Variants in MANBA observed in about 807,000 individuals in gnomAD.
MANBA encodes mannosidase beta.
In MANBA, 83 loss-of-function variants were observed where a neutral mutation model predicts 111.1. That is an observed-to-expected ratio of 0.75 (90% confidence interval 0.63 to 0.90). The LOEUF (loss-of-function observed/expected upper bound fraction) is 0.90. Among genes scored for constraint, MANBA ranks in the 40% least tolerant of loss-of-function variants. The pLI, the probability that MANBA is intolerant of heterozygous loss-of-function variation, is 0.00. For missense variants in MANBA, 1,036 were observed against 1,069.0 expected (o/e 0.97, Z 0.43); for synonymous variants, 370 against 378.7 (o/e 0.98, Z 0.27).
intron 1 of MANBA, among the ~76,000 whole-genome samples, chr4:102,746,830 G>T (rs991299738): frequency 2.0e-5 from 3 of 152,036 alleles, no homozygotes; most frequent in African/African-American, 4.8e-5. Context: ...AAATTAGCTG[G>T]GCGTGGTGGC....
At chr4:102,753,271 T>C (rs1213525541) in intron 1 of MANBA, among the ~76,000 whole-genome samples, 1 of 151,738 alleles carries the variant, frequency 6.6e-6, no homozygotes, top group Admixed American at 6.6e-5. Flanking sequence ...TGTGGAAAGA[T>C]AAACACTTTT....
Position 102,663,332 on chromosome 4 carries a change from T to C in MANBA, c.1485+1353A>G, listed in dbSNP as rs147997792. Among the ~76,000 whole-genome samples the C allele has an allele frequency of 2.0e-3, 297 of 152,306 alleles. 1 individual carries two copies. Among genetic ancestry groups the C allele is most frequent in the African/African-American group, 6.8e-3 (281 of 41,566 alleles). On this transcript the variant is annotated intron_variant, in intron 11 of 16. Coordinates refer to ENST00000647097, the MANE Select transcript of MANBA (RefSeq NM_005908.4). ...ATTAAGTAACTCACCCAAGGTTACA[T>C]AGACAGGAAGTGGCCCAGCCAGGAT...
At chr4:102,726,466 C>CA (rs1553952695) in intron 2 of MANBA, 123 bp downstream of exon 2, 9 of 644,486 alleles carry the variant, frequency 1.4e-5, no homozygotes, top group Middle Eastern at 2.6e-4. Context: ...GTAACCTAAA[C>CA]AAACAAAACA....
At chr4:102,724,814 C>A (rs190090945) in intron 2 of MANBA, among the ~76,000 whole-genome samples, 1 of 152,064 alleles carries the variant, frequency 6.6e-6, no homozygotes, top group East Asian at 1.9e-4. Flanking sequence ...GAAAAGATTT[C>A]AAAATGGAAA....
At chr4:102,655,081 T>C (rs887080444) in intron 12 of MANBA, among the ~76,000 whole-genome samples, 2 of 152,146 alleles carry the variant, frequency 1.3e-5, no homozygotes, top group Non-Finnish European at 2.9e-5. Context: ...AAGAAAATAA[T>C]TTATTTACAA....
rs34754408 is a variant in MANBA, at chr4:102,650,714, G to T, written c.1705-13C>A. The T allele has an allele frequency of 0.06, 96,188 of 1,605,918 alleles. 3,264 individuals carry two copies. Among genetic ancestry groups the T allele is most frequent in the Middle Eastern group, 0.1 (606 of 6,042 alleles). ...CTGTAGACGAGACCTTTCAAATAAA[G>T]AATAAGAATTAGAAATCTGAAAGTT... On this transcript the variant is annotated splice_polypyrimidine_tract_variant and intron_variant, in intron 12 of 16. Coordinates refer to ENST00000647097, the MANE Select transcript of MANBA (RefSeq NM_005908.4).
chr4:102,729,032 T>G, intron 1 of MANBA: 1 of 952,320 alleles, frequency 1.1e-6, no homozygotes, highest in Non-Finnish European at 1.7e-6. Flanking sequence ...CAGGGCCAGC[T>G]TGATGTTCAT....
At chr4:102,709,436 AAAGG>A (rs70937565) in intron 5 of MANBA, among the ~76,000 whole-genome samples, 9 of 147,690 alleles carry the variant, frequency 6.1e-5, no homozygotes, top group Non-Finnish European at 1.3e-4. Flanking sequence ...AGAGAGAGAG[AAAGG>A]AAGGAAGGAA....
intron 7 of MANBA, among the ~76,000 whole-genome samples, chr4:102,686,277 T>C (rs1035266228): frequency 6.6e-6 from 1 of 152,178 alleles, no homozygotes; most frequent in Non-Finnish European, 1.5e-5. Context: ...CTGAAAATCA[T>C]AACTTCATAC....
At chr4:102,641,586 G>GA (rs1171844852) in intron 13 of MANBA, among the ~76,000 whole-genome samples, 1 of 152,042 alleles carries the variant, frequency 6.6e-6, no homozygotes, top group Non-Finnish European at 1.5e-5. Flanking sequence ...ACAGTAGCTG[G>GA]AAAAAATGTT....
chr4:102,747,429 A>G (rs1723631181), intron 1 of MANBA, among the ~76,000 whole-genome samples: 1 of 152,198 alleles, frequency 6.6e-6, no homozygotes, highest in South Asian at 2.1e-4. Context: ...GCCCATCCAG[A>G]TTAAAGGCAG....
At chr4:102,668,269 T>C (rs1473178955) in intron 10 of MANBA, 1 of 153,290 alleles carries the variant, frequency 6.5e-6, no homozygotes, top group African/African-American at 2.4e-5. Context: ...GATAATATTA[T>C]ATTAACACCA....
In MANBA at chr4:102,632,146, G is replaced by A. The variant is rs200999022; in HGVS notation, c.2551C>T (p.Arg851Ter). 10 of 1,613,306 alleles carry A rather than the reference G, an allele frequency of 6.2e-6. No individual in the cohort carries two copies. The highest frequency in any genetic ancestry group is 8.5e-6 in the Non-Finnish European group (10 of 1,179,302). ...DNGFLMTEKT[R>*]TILFYPWEPT... is the part of the protein sequence containing the mutation. ...TCCCAAGGGTAAAATAATATAGTTC[G>A]TGTCTTCTCAGTCATGAGGAAACCA... Residue 851 changes from arginine to a stop codon, truncating the protein, a stop_gained, in exon 17 of 17, where the codon CGA (arginine) becomes TGA (stop). Transcript: ENST00000647097. LOFTEE classifies it high-confidence loss of function.
chr4:102,638,782 A>G (rs1189876740), intron 14 of MANBA, among the ~76,000 whole-genome samples: 1 of 152,280 alleles, frequency 6.6e-6, no homozygotes, highest in South Asian at 2.1e-4. Flanking sequence ...TAGAAATCCA[A>G]TTCTCTGTAA....
intron 7 of MANBA, among the ~76,000 whole-genome samples, 194 bp downstream of exon 7, chr4:102,689,376 ATATG>A (rs766349455): frequency 0.012 from 1,317 of 108,222 alleles, 21 homozygotes; most frequent in African/African-American, 0.033. Flanking sequence ...ATATATATAT[ATATG>A]TGTGTGTGTA....
chr4:102,657,984 A>G, intron 11 of MANBA, 84 bp from the exon 12 acceptor site: 1 of 1,029,600 alleles, frequency 9.7e-7, no homozygotes, highest in Non-Finnish European at 1.5e-6. Context: ...AAATACTAAC[A>G]AGTCCCTGAA....
chr4:102,632,061 T>C lies in MANBA; in HGVS notation c.2636A>G (p.Tyr879Cys). 6.3e-7 allele frequency: 1 copy of C among 1,593,794 alleles called. No individual in the cohort carries two copies. Among genetic ancestry groups the C allele is most frequent in the Non-Finnish European group, 8.6e-7 (1 of 1,163,084 alleles). Reference protein sequence around the residue: ...SFHVTSLTDIY With the variant: ...SFHVTSLTDIC ...GAAAATACAACCTAGATTCCTTCAG[T>C]AAATATCTGTTAAGGAGGTCACATG... The change falls in exon 17 of 17, where the codon TAC (tyrosine) becomes TGC (cysteine). Residue 879 changes from tyrosine (Y) to cysteine (C), a missense_variant. By Grantham distance (194) the Tyr-to-Cys change is radical. Coordinates refer to ENST00000647097, the MANE Select transcript of MANBA (RefSeq NM_005908.4).
At chr4:102,659,880 C>T (rs1454617526) in intron 11 of MANBA, among the ~76,000 whole-genome samples, 2 of 152,036 alleles carry the variant, frequency 1.3e-5, no homozygotes, top group Non-Finnish European at 2.9e-5. Context: ...TTCCAGTTTC[C>T]CCCAACCTTC....
intron 14 of MANBA, 143 bp downstream of exon 14, chr4:102,639,569 TC>T: frequency 9.0e-7 from 1 of 1,112,556 alleles, no homozygotes; most frequent in Non-Finnish European, 1.3e-6. Context: ...TGGCTGTAGT[TC>T]CTAGGCAGGC....
Sources: gnomAD v4.1 joint callset for allele counts (sites outside exome capture counted in the v4.1 genomes callset) on GRCh38, gnomAD v4.1.1 for gene constraint, MANE v1.5 for transcripts, NCBI Gene and HGNC (gene_info 2026-07-23, HGNC 2026-07-21) for gene names.